EBF4: variants seen among roughly 807,000 people sequenced by gnomAD.
EBF4 encodes transcription factor COE4.
Under a neutral mutation model 67.1 loss-of-function variants are expected in EBF4, and 34 were observed. That is an observed-to-expected ratio of 0.51 (90% CI 0.39 to 0.67). The LOEUF (loss-of-function observed/expected upper bound fraction) is 0.67, where lower values mean the gene tolerates loss of function less well. Ranked by LOEUF, EBF4 falls within the 30% of genes least tolerant of loss-of-function variation. The probability of loss-of-function intolerance (pLI) is 0.00; values close to 1 mark genes in which losing one functional copy is unlikely to be tolerated. For synonymous variants in EBF4, 387 were observed against 377.7 expected, an observed-to-expected ratio of 1.02 and a Z score of -0.29; for missense variants, 837 against 873.3, an observed-to-expected ratio of 0.96 and a Z score of 0.52.
intron 6 of EBF4, among the ~76,000 whole-genome samples, chr20:2,729,878 G>A (rs2087791409): frequency 6.6e-6 from 1 of 152,214 alleles, no homozygotes; most frequent in Admixed American, 6.5e-5. Flanking sequence ...GCAGGAGGAG[G>A]CAGGCAGCAG....
rs977900086 is a variant in EBF4, at chr20:2,696,423, G to A, written c.137+2641G>A. The stretch of plus-strand genomic sequence containing the variant: ...GGAGGCAGAGGCTTCGGTGAGCCAA[G>A]ATCGCACCACTGTACTCCAGCCTGG... On this transcript the variant is annotated intron_variant, in intron 1 of 16. Transcript: ENST00000609451. This position sits in a 1 kb window ranked among gnomAD's most constrained non-coding sequence, Gnocchi z 4.7. Among the ~76,000 whole-genome samples, 6 of 152,176 alleles carry A rather than the reference G, an allele frequency of 3.9e-5. No homozygotes were observed. The highest frequency in any genetic ancestry group is 3.9e-4 in the Admixed American group (6 of 15,274).
At chr20:2,706,389 A>G in intron 4 of EBF4, 125 bp downstream of exon 4, 2 of 1,126,482 alleles carry the variant, frequency 1.8e-6, no homozygotes, top group Non-Finnish European at 2.6e-6. Context: ...CCATCAGCCT[A>G]GCTCCCCCAG....
chr20:2,752,478 G>C, exon 14 of EBF4: 2 of 1,264,866 alleles, frequency 1.6e-6, no homozygotes, highest in Non-Finnish European at 2.0e-6. Flanking sequence ...CGCCGGGCGT[G>C]GCCGGCCTCG....
rs149275567 is a variant in EBF4 at position 2,718,099 on chromosome 20, G to A, written c.557+8457G>A. On this transcript the variant is annotated intron_variant, in intron 6 of 16. Transcript: ENST00000609451. ...GCTGGAATTACAGGCGTGAGCCACCGCACCCGGCTGGTTAATGTTAAGCCA... is the reference window on the plus strand; with the variant it reads ...GCTGGAATTACAGGCGTGAGCCACCACACCCGGCTGGTTAATGTTAAGCCA... Among the ~76,000 whole-genome samples, 1,369 of 152,250 alleles carry A rather than the reference G, an allele frequency of 9.0e-3. 29 individuals carry two copies. The highest frequency in any genetic ancestry group is 0.031 in the African/African-American group (1,304 of 41,546).
chr20:2,728,189 C>T (rs2087769147), intron 6 of EBF4, among the ~76,000 whole-genome samples: 1 of 152,224 alleles, frequency 6.6e-6, no homozygotes, highest in South Asian at 2.1e-4. Context: ...CCATTTCTAA[C>T]AACTGCCCTA....
chr20:2,733,980 T>G (rs934944472), intron 6 of EBF4, among the ~76,000 whole-genome samples: 2 of 152,216 alleles, frequency 1.3e-5, no homozygotes, highest in Non-Finnish European at 2.9e-5. Context: ...CTTCAGAATT[T>G]CATGGGTTTT....
Position 2,707,212 on chromosome 20 carries a change from C to G in EBF4, c.415-735C>G, listed in dbSNP as rs2087470882. 6.6e-6 allele frequency among the ~76,000 whole-genome samples: 1 copy of G among 151,950 alleles called. No individual in the cohort carries two copies. On this transcript the variant is annotated intron_variant, in intron 4 of 16. Coordinates refer to ENST00000609451, the Ensembl canonical transcript of EBF4. This position sits in a 1 kb window ranked among gnomAD's most constrained non-coding sequence, Gnocchi z 4.6. ...CTGGGGGAGGCAGGCCAGGCAGTGC[C>G]TAGTGGAACTGTCAAGGGGACGGGT...
chr20:2,742,900 C>T (rs2087988810), intron 6 of EBF4, among the ~76,000 whole-genome samples: 1 of 152,188 alleles, frequency 6.6e-6, no homozygotes, highest in Admixed American at 6.5e-5. Flanking sequence ...CAAGTCCCTA[C>T]AGGGTGTCCC....
At chr20:2,722,975 G>A (rs1883807) in intron 6 of EBF4, among the ~76,000 whole-genome samples, 54,646 of 152,026 alleles carry the variant, frequency 0.36, 11,605 homozygotes, top group African/African-American at 0.6. Context: ...TGTTGTTCAA[G>A]TCTATCTTTA....
chr20:2,710,695 C>G (rs139562123), intron 6 of EBF4, among the ~76,000 whole-genome samples: 217 of 152,168 alleles, frequency 1.4e-3, no homozygotes, highest in African/African-American at 4.7e-3. Flanking sequence ...TTACAGCAAA[C>G]TGTCTCCCAC....
At chr20:2,706,294 A>C in intron 4 of EBF4, 30 bp downstream of exon 4, 1 of 1,551,562 alleles carries the variant, frequency 6.4e-7, no homozygotes. Flanking sequence ...GCTGAGGCCC[A>C]TCTCACTCTC....
intron 6 of EBF4, among the ~76,000 whole-genome samples, chr20:2,725,162 TTTCTC>T (rs2087731583): frequency 6.6e-6 from 1 of 152,214 alleles, no homozygotes; most frequent in Non-Finnish European, 1.5e-5. Flanking sequence ...CTTTCTCTCT[TTTCTC>T]TTCTGGCACT....
At chr20:2,728,736 A>G (rs749351961) in intron 6 of EBF4, among the ~76,000 whole-genome samples, 160 of 152,264 alleles carry the variant, frequency 1.1e-3, no homozygotes, top group Non-Finnish European at 1.9e-3. Flanking sequence ...CCTGAGGTCT[A>G]CAAGAATACC....
chr20:2,714,336 C>A (rs78797013), intron 6 of EBF4, among the ~76,000 whole-genome samples: 5 of 151,206 alleles, frequency 3.3e-5, no homozygotes, highest in Non-Finnish European at 5.9e-5. Flanking sequence ...CTTTCTCTCT[C>A]TCTTTCTTTC....
In EBF4 at chr20:2,755,974, G is replaced by C. The variant is rs1170775141; in HGVS notation, c.1738+150G>C. 4.6e-6 allele frequency: 4 copies of C among 875,598 alleles called. No individual in the cohort carries two copies. The African/African-American group carries it at 5.1e-5, about 11-fold the overall frequency. 54.2% of individuals were successfully genotyped at this position (875,598 alleles called of 1,614,324 possible). On this transcript the variant is annotated intron_variant, in intron 15 of 16. Coordinates refer to ENST00000609451, the Ensembl canonical transcript of EBF4. This position sits in a 1 kb window ranked among gnomAD's most constrained non-coding sequence, Gnocchi z 4.7. ...AGGACGGAGAGCAGGGAGCTCTGCT[G>C]GGGTCCAGGGAGGTCCCTCTGGCCC...
At chr20:2,750,040 C>G (rs2088118021) in intron 10 of EBF4, 67 bp downstream of exon 10, 1 of 1,485,142 alleles carries the variant, frequency 6.7e-7, no homozygotes, top group South Asian at 1.4e-5. Flanking sequence ...GCGCACTGGT[C>G]TCCGTTCTTG....
chr20:2,694,175 G>T (rs2087254441), intron 1 of EBF4, among the ~76,000 whole-genome samples: 1 of 152,180 alleles, frequency 6.6e-6, no homozygotes, highest in South Asian at 2.1e-4. Context: ...GTCCAATTCC[G>T]CAGCTCTCTG....
chr20:2,715,788 G>A (rs193229438), intron 6 of EBF4, among the ~76,000 whole-genome samples: 23 of 152,122 alleles, frequency 1.5e-4, no homozygotes, highest in African/African-American at 5.3e-4. Flanking sequence ...GCACTCCGTC[G>A]CCCAGGCTGG....
At chr20:2,706,107 T>A in intron 3 of EBF4, 70 bp downstream of exon 3, 2 of 1,547,366 alleles carry the variant, frequency 1.3e-6, no homozygotes, top group Non-Finnish European at 1.7e-6. Flanking sequence ...ATGCGACACC[T>A]AATGCCCCCT....
Sources: gnomAD v4.1 joint callset for allele counts (sites outside exome capture counted in the v4.1 genomes callset) on GRCh38, gnomAD v4.1.1 for gene constraint, Gnocchi (gnomAD v3.1) non-coding constraint, MANE v1.5 for transcripts, NCBI Gene and HGNC (gene_info 2026-07-23, HGNC 2026-07-21) for gene names.